Variants in ZNF638 observed in about 807,000 individuals in gnomAD.
ZNF638 encodes the protein zinc finger protein 638.
A neutral mutation model predicts 195.6 loss-of-function variants in ZNF638; 46 were observed. The observed-to-expected ratio is 0.24, with a 90% CI of 0.19 to 0.30. The LOEUF (loss-of-function observed/expected upper bound fraction) is 0.30. Among genes scored for constraint, ZNF638 ranks in the 10% least tolerant of loss-of-function variants. The pLI is 1.00. For missense variants in ZNF638, 2,440 were observed against 2,325.3 expected, an observed-to-expected ratio of 1.05 and a Z score of -1.01; for synonymous variants, 845 against 772.0, an observed-to-expected ratio of 1.09 and a Z score of -1.57.
chr2:71,410,841 T>G (rs2152587601), intron 20 of ZNF638, among the ~76,000 whole-genome samples: 1 of 152,066 alleles, frequency 6.6e-6, no homozygotes, highest in East Asian at 1.9e-4. Context: ...ATCAAAGGCT[T>G]TAGGGACATA....
chr2:71,342,686 G>T (rs1051268807), intron 1 of ZNF638, among the ~76,000 whole-genome samples: 4 of 44,230 alleles, frequency 9.0e-5, no homozygotes, highest in African/African-American at 1.8e-4. Context: ...GTGCGTGCGT[G>T]TGTGTGTGTG....
At chr2:71,420,774 C>G (rs2080415322) in intron 21 of ZNF638, among the ~76,000 whole-genome samples, 1 of 152,138 alleles carries the variant, frequency 6.6e-6, no homozygotes, top group African/African-American at 2.4e-5. Flanking sequence ...TTCAAACTGT[C>G]TTTTCAAACT....
intron 10 of ZNF638, among the ~76,000 whole-genome samples, chr2:71,391,193 A>G (rs13392164): frequency 0.098 from 14,879 of 152,278 alleles, 805 homozygotes; most frequent in South Asian, 0.13. Context: ...TATCAGTGGC[A>G]GTTTGCAACC....
intron 10 of ZNF638, among the ~76,000 whole-genome samples, chr2:71,391,628 T>C (rs2079780349): frequency 6.6e-6 from 1 of 152,246 alleles, no homozygotes. Flanking sequence ...AGGTACATAC[T>C]AACTTCCTGG....
chr2:71,388,772 A>C, intron 10 of ZNF638: 8 of 941,928 alleles, frequency 8.5e-6, no homozygotes, highest in African/African-American at 1.6e-5. Context: ...GGGAATTCTC[A>C]GACTAGAGTT....
At chr2:71,361,538 T>A (rs1013191998) in intron 3 of ZNF638, 7 of 152,172 alleles carry the variant, frequency 4.6e-5, no homozygotes, top group Non-Finnish European at 1.0e-4. Flanking sequence ...GCAATGAAAG[T>A]TTTAAAAAGT....
intron 26 of ZNF638, among the ~76,000 whole-genome samples, chr2:71,431,937 T>C (rs1282133951): frequency 2.6e-5 from 4 of 152,262 alleles, no homozygotes; most frequent in African/African-American, 9.6e-5. Context: ...TACTGCACTC[T>C]TGAAATCTGG....
chr2:71,333,450 T>C, intron 1 of ZNF638, among the ~76,000 whole-genome samples: 1 of 152,350 alleles, frequency 6.6e-6, no homozygotes, highest in South Asian at 2.1e-4. Flanking sequence ...TGGTTGTATT[T>C]GTTTTGTAAT....
In ZNF638 at chr2:71,400,495, A is replaced by C. The variant is rs1258414866; in HGVS notation, c.2674A>C (p.Thr892Pro). Reference sequence around the variant, plus strand: ...GTATTAAGATGCTGCTTTGGAGGCCACAGAGAATGAACCACTTAACAAGGT... The same window carrying C: ...GTATTAAGATGCTGCTTTGGAGGCCCCAGAGAATGAACCACTTAACAAGGT... Reference protein sequence around the residue: ...EAISDAALEATENEPLNKETE... With the variant: ...EAISDAALEAPENEPLNKETE... The change falls in exon 15 of 28, where the codon ACA (threonine) becomes CCA (proline). Residue 892 changes from threonine (T) to proline (P), a missense_variant. Physicochemically the swap from Thr to Pro is conservative, Grantham distance 38. Coordinates refer to ENST00000264447, the MANE Select transcript of ZNF638 (RefSeq NM_014497.5). 1 of 1,607,738 alleles carries C rather than the reference A, an allele frequency of 6.2e-7. No individual in the cohort carries two copies. The highest frequency in any genetic ancestry group is 1.7e-5 in the Admixed American group (1 of 58,444).
chr2:71,424,587 T>TC, intron 22 of ZNF638, 63 bp from the exon 23 acceptor site: 5 of 1,388,908 alleles, frequency 3.6e-6, no homozygotes, highest in Non-Finnish European at 5.0e-6. Flanking sequence ...TGTTTTTTTT[T>TC]CCAGAACATT....
Position 71,418,589 on chromosome 2 carries a change from G to T in ZNF638, c.3262-13G>T. 6.5e-7 allele frequency: 1 copy of T among 1,531,248 alleles called. No individual in the cohort carries two copies. 94.9% of individuals were successfully genotyped at this position (1,531,248 alleles called of 1,614,324 possible). ...GTGGAATAGCCTCTAATAAAATGCTGATTATATTACAGGTGCAAATTGAGC... is the reference window on the plus strand; with the variant it reads ...GTGGAATAGCCTCTAATAAAATGCTTATTATATTACAGGTGCAAATTGAGC... On this transcript the variant is annotated splice_polypyrimidine_tract_variant and intron_variant, in intron 20 of 27. Coordinates refer to ENST00000264447, the MANE Select transcript of ZNF638 (RefSeq NM_014497.5).
At chr2:71,374,413 C>T (rs566901977) in intron 8 of ZNF638, among the ~76,000 whole-genome samples, 13 of 152,204 alleles carry the variant, frequency 8.5e-5, no homozygotes, top group African/African-American at 2.9e-4. Context: ...TAATATTTCC[C>T]TGTCTTTCTT....
At chr2:71,398,087 T>C (rs1003647877) in intron 11 of ZNF638, among the ~76,000 whole-genome samples, 3 of 152,338 alleles carry the variant, frequency 2.0e-5, no homozygotes, top group South Asian at 2.1e-4. Context: ...TTCTAGTTGA[T>C]CCACACATTC....
At chr2:71,390,999 G>T (rs1022338515) in intron 10 of ZNF638, among the ~76,000 whole-genome samples, 3 of 152,178 alleles carry the variant, frequency 2.0e-5, no homozygotes, top group East Asian at 1.9e-4. Context: ...CCCTGACGTG[G>T]TTCTCTCAAG....
chr2:71,333,884 G>C (rs1382177455), intron 1 of ZNF638, among the ~76,000 whole-genome samples: 1 of 152,146 alleles, frequency 6.6e-6, no homozygotes, highest in Non-Finnish European at 1.5e-5. Context: ...AATGTTAGCT[G>C]TTACTTGTAT....
chr2:71,387,734 A>G (rs1192767538), intron 10 of ZNF638, among the ~76,000 whole-genome samples: 1 of 152,184 alleles, frequency 6.6e-6, no homozygotes, highest in East Asian at 1.9e-4. Flanking sequence ...ACATAAGATG[A>G]TAACAGTATT....
chr2:71,389,693 G>A (rs143379025), intron 10 of ZNF638, among the ~76,000 whole-genome samples: 1,936 of 152,318 alleles, frequency 0.013, 39 homozygotes, highest in African/African-American at 0.042. Flanking sequence ...CCCGAATTCC[G>A]AAAGCGGAAG....
intron 21 of ZNF638, among the ~76,000 whole-genome samples, 178 bp downstream of exon 21, chr2:71,418,817 T>TAA (rs1466423673): frequency 6.6e-6 from 1 of 152,188 alleles, no homozygotes; most frequent in East Asian, 1.9e-4. Context: ...AGGAGTTTCG[T>TAA]TTGTTGCTTT....
intron 10 of ZNF638, among the ~76,000 whole-genome samples, chr2:71,386,559 A>T (rs1047376886): frequency 6.6e-5 from 10 of 152,156 alleles, no homozygotes; most frequent in Admixed American, 1.3e-4. Flanking sequence ...TGGAAATTGG[A>T]AAGTAGGATA....
Sources: allele counts gnomAD v4.1 joint callset (sites outside exome capture counted in the v4.1 genomes callset), GRCh38; gene constraint gnomAD v4.1.1; transcripts MANE v1.5; gene names NCBI Gene and HGNC (gene_info 2026-07-23, HGNC 2026-07-21).